Variants in FBXW4 observed in about 807,000 individuals in gnomAD.
FBXW4 encodes the protein F-box and WD repeat domain containing 4.
In FBXW4, 40 loss-of-function variants were observed where a neutral mutation model predicts 61.8. That is an observed-to-expected ratio of 0.65 (90% CI 0.50 to 0.84). The LOEUF (loss-of-function observed/expected upper bound fraction) is 0.84, where lower values mean the gene tolerates loss of function less well. Ranked by LOEUF, FBXW4 falls within the 40% of genes least tolerant of loss-of-function variation. The probability of loss-of-function intolerance (pLI) is 0.00; values close to 1 mark genes in which losing one functional copy is unlikely to be tolerated. For synonymous variants in FBXW4, 311 were observed against 313.8 expected (o/e 0.99, Z 0.10); for missense variants, 672 against 753.8 (o/e 0.89, Z 1.27).
Position 101,694,981 on chromosome 10 carries a change from T to C in FBXW4, c.125A>G (p.Lys42Arg). ...GCCTTGCCCCGCTCTCGCTTTTCCC[T>C]TCCCCTTCCCCTTCCTTCGCTTCCC... ...ARGKRRKGKG[K>R]GKARAGQGGR... Residue 42 changes from lysine to arginine, a missense_variant, in exon 1 of 9, where the codon AAG becomes AGG. Lys to Arg is a conservative substitution (Grantham distance 26). Around this residue, in one of 5 missense-constraint regions of FBXW4, gnomAD observed 38 missense variants for 43.3 expected, o/e 0.88. Coordinates refer to ENST00000331272, the MANE Select transcript of FBXW4 (RefSeq NM_022039.4). The surrounding 1 kb of genome is among the most constrained non-coding windows in gnomAD (Gnocchi z 6.0). 8.8e-7 allele frequency: 1 copy of C among 1,141,212 alleles called. No homozygotes were observed. The allele number at this position is 1,141,212 out of a possible 1,614,324, so 70.7% of individuals were successfully genotyped here. A position where few individuals can be genotyped will look rare whatever the true frequency, so the allele number is the denominator to read the frequency against.
At chr10:101,614,068 G>A (rs573910931) in intron 6 of FBXW4, among the ~76,000 whole-genome samples, 4 of 152,356 alleles carry the variant, frequency 2.6e-5, no homozygotes, top group African/African-American at 9.6e-5. Context: ...GCCACCCTGG[G>A]CAGGCCAGAG....
rs542954677 is a variant in FBXW4 at position 101,664,767 on chromosome 10, C to A, written c.1235+3119G>T. Reference sequence around the variant, plus strand: ...TTACATTATAGCCCTTTTTGAGGATCACTTGAGGCCAGGAGTTCATAATCA... The same window carrying A: ...TTACATTATAGCCCTTTTTGAGGATAACTTGAGGCCAGGAGTTCATAATCA... On this transcript the variant is annotated intron_variant, in intron 5 of 8. Transcript: ENST00000331272. Among the ~76,000 whole-genome samples, 3 of 152,288 alleles carry A rather than the reference C, an allele frequency of 2.0e-5. No homozygotes were observed. The South Asian group carries it at 6.2e-4, about 32-fold the overall frequency.
At chr10:101,675,995 T>G (rs945455453) in intron 2 of FBXW4, among the ~76,000 whole-genome samples, 23 of 152,234 alleles carry the variant, frequency 1.5e-4, no homozygotes, top group Non-Finnish European at 2.8e-4. Context: ...AACCTTGATT[T>G]ATTTCCTTTG....
chr10:101,645,748 T>C (rs940561660), intron 5 of FBXW4, among the ~76,000 whole-genome samples: 1 of 152,192 alleles, frequency 6.6e-6, no homozygotes, highest in Admixed American at 6.5e-5. Flanking sequence ...TCATTTTTTT[T>C]AAAGTTGGAA....
intron 5 of FBXW4, among the ~76,000 whole-genome samples, chr10:101,640,484 C>CTTTTTTT (rs386372272): frequency 1.1e-3 from 92 of 83,882 alleles, no homozygotes; most frequent in East Asian, 2.5e-3. Context: ...CTTTCTTTCT[C>CTTTTTTT]TTTTTTTTTT....
rs2063829272 is a variant in FBXW4, at chr10:101,616,845, G to T, written c.1302-4368C>A. Among the ~76,000 whole-genome samples, 5 of 152,240 alleles carry T rather than the reference G, an allele frequency of 3.3e-5. No homozygotes were observed. In the South Asian group the frequency reaches 1.0e-3, roughly 31 times the overall value. ...AACAAACAGTGATTGTCCTAGTCCA[G>T]GCCCCGATTGTAGATAAGGAAACCA... On this transcript the variant is annotated intron_variant, in intron 6 of 8. Coordinates refer to ENST00000331272, the MANE Select transcript of FBXW4 (RefSeq NM_022039.4).
At chr10:101,620,035 C>T (rs568063181) in intron 6 of FBXW4, among the ~76,000 whole-genome samples, 3 of 152,328 alleles carry the variant, frequency 2.0e-5, no homozygotes, top group African/African-American at 7.2e-5. Context: ...TATAGCAATG[C>T]TTAGGGCAAA....
upstream of FBXW4, chr10:101,695,236 A>G: frequency 1.0e-6 from 1 of 974,418 alleles, no homozygotes; most frequent in Non-Finnish European, 1.2e-6. The surrounding 1 kb of genome is among the most constrained non-coding windows in gnomAD (Gnocchi z 4.2). Context: ...CACGCCCCTC[A>G]CACCTGCAGC....
At chr10:101,678,112 T>C (rs2064434997) in intron 1 of FBXW4, among the ~76,000 whole-genome samples, 1 of 152,166 alleles carries the variant, frequency 6.6e-6, no homozygotes, top group African/African-American at 2.4e-5. Context: ...CGAGTGTCAA[T>C]AGTACTTTCT....
chr10:101,683,077 G>A (rs994428390), intron 1 of FBXW4, among the ~76,000 whole-genome samples: 1 of 152,116 alleles, frequency 6.6e-6, no homozygotes, highest in African/African-American at 2.4e-5. Context: ...CTGTGGGAAC[G>A]TGTCACTGCC....
At chr10:101,614,145 G>T (rs919145945) in intron 6 of FBXW4, among the ~76,000 whole-genome samples, 12 of 152,374 alleles carry the variant, frequency 7.9e-5, no homozygotes, top group Non-Finnish European at 1.3e-4. Context: ...GGGGCTGTTT[G>T]GCTCCACAGT....
chr10:101,680,729 C>T (rs1299329704), intron 1 of FBXW4, among the ~76,000 whole-genome samples: 4 of 152,194 alleles, frequency 2.6e-5, no homozygotes, highest in African/African-American at 4.8e-5. Flanking sequence ...ATAGCACATT[C>T]AGCAGGTACA....
At chr10:101,659,901 G>A (rs749437242) in intron 5 of FBXW4, among the ~76,000 whole-genome samples, 65 of 152,198 alleles carry the variant, frequency 4.3e-4, no homozygotes, top group Non-Finnish European at 7.6e-4. Context: ...CCAAGAGTCA[G>A]TGGGGTAGGT....
chr10:101,634,570 T>C lies in FBXW4; in HGVS notation c.1236-9760A>G, dbSNP rs982146979. Among the ~76,000 whole-genome samples the C allele has an allele frequency of 5.4e-5, 8 of 149,156 alleles. 1 individual carries two copies. The highest frequency in any genetic ancestry group is 1.8e-4 in the African/African-American group (7 of 39,904). ...AGGTGAATAGATCAGTGGATCAGAATAACGAATCCAAAGCCACACCTATCT... is the reference window on the plus strand; with the variant it reads ...AGGTGAATAGATCAGTGGATCAGAACAACGAATCCAAAGCCACACCTATCT... On this transcript the variant is annotated intron_variant, in intron 5 of 8. Coordinates refer to ENST00000331272, the MANE Select transcript of FBXW4 (RefSeq NM_022039.4).
intron 4 of FBXW4, among the ~76,000 whole-genome samples, chr10:101,668,530 A>G (rs1401841896): frequency 6.6e-6 from 1 of 152,224 alleles, no homozygotes. Context: ...TTGTTTGTTG[A>G]TAATGCCCAG....
At chr10:101,637,553 C>T (rs1188877440) in intron 5 of FBXW4, among the ~76,000 whole-genome samples, 1 of 150,602 alleles carries the variant, frequency 6.6e-6, no homozygotes, top group Admixed American at 6.6e-5. Flanking sequence ...ACTAAAAATA[C>T]AAAAATTAGC....
intron 5 of FBXW4, among the ~76,000 whole-genome samples, chr10:101,661,296 G>A (rs1391816476): frequency 1.3e-5 from 2 of 152,230 alleles, no homozygotes; most frequent in African/African-American, 2.4e-5. Context: ...CAGCCCAGCA[G>A]CTCAGCACAT....
At position 101,611,389 on chromosome 10, in the gene FBXW4, G is replaced by T. The variant is rs760562724; in HGVS notation, c.1606C>A (p.Pro536Thr). Residue 536 changes from proline to threonine, a missense_variant, in exon 9 of 9, where the codon CCC becomes ACC. Physicochemically the swap from Pro to Thr is conservative, Grantham distance 38. Transcript: ENST00000331272. This position sits in a 1 kb window ranked among gnomAD's most constrained non-coding sequence, Gnocchi z 4.9. ...AGGCAGTACACAGGGCTGCTGAGGG[G>T]AGTCGACGTCAGCGGGAAGGCCTGG... ...CLHAFPLTSTPLSSPVYCLRL... is the reference protein window; with the variant it reads ...CLHAFPLTSTTLSSPVYCLRL... The T allele has an allele frequency of 3.1e-6, 5 of 1,613,976 alleles. No individual in the cohort carries two copies. The highest frequency in any genetic ancestry group is 4.2e-6 in the Non-Finnish European group (5 of 1,179,950).
At chr10:101,636,955 GTA>G (rs2064007158) in intron 5 of FBXW4, among the ~76,000 whole-genome samples, 1 of 152,244 alleles carries the variant, frequency 6.6e-6, no homozygotes, top group African/African-American at 2.4e-5. Flanking sequence ...AGATGAAATT[GTA>G]TGTCTGATAT....
Sources: allele counts gnomAD v4.1 joint callset (sites outside exome capture counted in the v4.1 genomes callset), GRCh38; gene constraint gnomAD v4.1.1; regional missense constraint gnomAD v4.1.1; non-coding constraint Gnocchi (gnomAD v3.1); transcripts MANE v1.5; gene names NCBI Gene and HGNC (gene_info 2026-07-23, HGNC 2026-07-21).